The following SIGLEC7 variants were observed in gnomAD, a reference collection of about 807,000 sequenced individuals.
SIGLEC7 encodes sialic acid binding Ig like lectin 7, also known as sialic acid-binding Ig-like lectin 7.
A neutral mutation model predicts 40.8 loss-of-function variants in SIGLEC7; 33 were observed. The ratio of observed to expected loss-of-function variants is 0.81; its 90% CI spans 0.61 to 1.08. The LOEUF is 1.08. Among genes scored for constraint, SIGLEC7 ranks in the 50% least tolerant of loss-of-function variants. The pLI, the probability that SIGLEC7 is intolerant of heterozygous loss-of-function variation, is 0.00. For synonymous variants in SIGLEC7, 242 were observed against 237.6 expected (o/e 1.02, Z -0.17); for missense variants, 513 against 576.1 (o/e 0.89, Z 1.12).
At chr19:51,143,079 G>A (rs922556365) in intron 1 of SIGLEC7, among the ~76,000 whole-genome samples, 1 of 152,084 alleles carries the variant, frequency 6.6e-6, no homozygotes, top group Non-Finnish European at 1.5e-5. Flanking sequence ...CTTGTTTTGG[G>A]GCCTGTCCTA....
In SIGLEC7 at chr19:51,153,270, T is replaced by G. The variant is rs753995128; in HGVS notation, c.*25T>G. 1 of 1,518,982 alleles carries G rather than the reference T, an allele frequency of 6.6e-7. No individual in the cohort carries two copies. Among genetic ancestry groups the G allele is most frequent in the African/African-American group, 1.4e-5 (1 of 72,294 alleles). The allele number at this position is 1,518,982 out of a possible 1,614,324, so 94.1% of individuals were successfully genotyped here. ...AGAAAATGCAGAGGCTCGGGCTTGT[T>G]TGAGGGTTCACGACCCCTCCAGCAA... On this transcript the variant is annotated 3_prime_UTR_variant, in exon 7 of 7. Transcript: ENST00000317643.
chr19:51,150,954 A>T (rs2092139059), intron 6 of SIGLEC7, among the ~76,000 whole-genome samples: 1 of 152,200 alleles, frequency 6.6e-6, no homozygotes, highest in African/African-American at 2.4e-5. Flanking sequence ...ACATGATCAG[A>T]CGAGATTGGG....
chr19:51,146,690 G>A, intron 4 of SIGLEC7, 64 bp from the exon 5 acceptor site: 1 of 1,429,248 alleles, frequency 7.0e-7, no homozygotes, highest in Non-Finnish European at 9.8e-7. Flanking sequence ...CTTATAGGAA[G>A]TGGGAGGAGA....
rs746860486 is a variant in SIGLEC7, at chr19:51,153,232, AG to A, written c.1392del (p.Ile465SerfsTer13). Reference sequence around the variant, plus strand: ...ACCAACAATGAGTACTCAGAGATCAAGATCCCCAAGTAAGAAAATGCAGAGG... The same window carrying A: ...ACCAACAATGAGTACTCAGAGATCAAATCCCCAAGTAAGAAAATGCAGAGG... ...EATNNEYSEI[K>X]IPK On this transcript the variant is annotated frameshift_variant, in exon 7 of 7. Transcript: ENST00000317643. LOFTEE classifies it high-confidence loss of function. The A allele has an allele frequency of 5.7e-6, 9 of 1,572,692 alleles. No individual in the cohort carries two copies. In the African/African-American group the frequency reaches 9.5e-5, roughly 17 times the overall value.
At chr19:51,144,823 GC>G (rs1310227464) in intron 2 of SIGLEC7, 88 bp from the exon 3 acceptor site, 29 of 1,580,324 alleles carry the variant, frequency 1.8e-5, no homozygotes, top group Non-Finnish European at 2.4e-5. Context: ...CGCTGGCTCC[GC>G]CTTCCCCATT....
intron 4 of SIGLEC7, among the ~76,000 whole-genome samples, 171 bp downstream of exon 4, chr19:51,146,292 T>C (rs533710875): frequency 2.0e-5 from 3 of 152,022 alleles, no homozygotes; most frequent in Admixed American, 1.3e-4. Flanking sequence ...AGGAAAGGTG[T>C]GTAAGGCAGG....
chr19:51,147,216 C>T lies in SIGLEC7; in HGVS notation c.1125-5C>T. ...ACTGAAAGGCTCTCTGGTCTCTTCA[C>T]TCAGAGTGAGGTCCTGCAGGAAGAA... is the stretch of plus-strand genomic sequence containing the variant. On this transcript the variant is annotated splice_polypyrimidine_tract_variant and splice_region_variant and intron_variant, in intron 5 of 6. Coordinates refer to ENST00000317643, the MANE Select transcript of SIGLEC7 (RefSeq NM_014385.4). The T allele has an allele frequency of 6.2e-7, 1 of 1,612,186 alleles. No homozygotes were observed. The highest frequency in any genetic ancestry group is 8.5e-7 in the Non-Finnish European group (1 of 1,178,870).
rs778451574 is a variant in SIGLEC7, at chr19:51,144,393, C to T, written c.434-13C>T. ...TCCTCTGTCCTGATCCTGAGTCCCC[C>T]TCTCTTCACCAGCCTTGACCCACAG... On this transcript the variant is annotated splice_polypyrimidine_tract_variant and intron_variant, in intron 1 of 6. Coordinates refer to ENST00000317643, the MANE Select transcript of SIGLEC7 (RefSeq NM_014385.4). The T allele has an allele frequency of 1.7e-5, 27 of 1,597,334 alleles. No individual in the cohort carries two copies. Among genetic ancestry groups the T allele is most frequent in the African/African-American group, 2.7e-5 (2 of 74,728 alleles).
At position 51,153,439 on chromosome 19, in the gene SIGLEC7, C is replaced by T. The variant is rs201907401; in HGVS notation, c.*194C>T. The T allele has an allele frequency of 2.7e-5, 11 of 404,474 alleles. No homozygotes were observed. The South Asian group carries it at 3.5e-4, about 13-fold the overall frequency. The allele number at this position is 404,474 out of a possible 1,614,324, so 25.1% of individuals were successfully genotyped here. A position where few individuals can be genotyped will look rare whatever the true frequency, so the allele number is the denominator to read the frequency against. ...CCCCATCCAATCGGTCCACACTCCC[C>T]GCCCTGGCCTCTGGTACCCACCATT... is the stretch of plus-strand genomic sequence containing the variant. On this transcript the variant is annotated 3_prime_UTR_variant, in exon 7 of 7. Coordinates refer to ENST00000317643, the MANE Select transcript of SIGLEC7 (RefSeq NM_014385.4).
chr19:51,148,423 G>A (rs1431465545), intron 6 of SIGLEC7, among the ~76,000 whole-genome samples: 3 of 152,118 alleles, frequency 2.0e-5, no homozygotes, highest in Admixed American at 6.5e-5. Context: ...TCACTGATAA[G>A]TGAGAACATG....
intron 6 of SIGLEC7, among the ~76,000 whole-genome samples, chr19:51,151,686 G>T (rs1462119414): frequency 6.6e-6 from 1 of 152,096 alleles, no homozygotes; most frequent in African/African-American, 2.4e-5. Context: ...GTGTAGGGAA[G>T]GTGAGCAGCT....
At chr19:51,148,148 G>A (rs2092121943) in intron 6 of SIGLEC7, among the ~76,000 whole-genome samples, 1 of 152,150 alleles carries the variant, frequency 6.6e-6, no homozygotes, top group African/African-American at 2.4e-5. Context: ...CAAAATTTAA[G>A]AAGGTGCCAA....
intron 5 of SIGLEC7, 38 bp from the exon 6 acceptor site, chr19:51,147,183 C>A: frequency 6.2e-7 from 1 of 1,610,402 alleles, no homozygotes; most frequent in Non-Finnish European, 8.5e-7. Flanking sequence ...GCACCCCGAT[C>A]TGACCACACT....
chr19:51,146,747 T>C lies in SIGLEC7; in HGVS notation c.1028-7T>C. On this transcript the variant is annotated splice_region_variant and splice_polypyrimidine_tract_variant and intron_variant, in intron 4 of 6. Transcript: ENST00000317643. Reference sequence around the variant, plus strand: ...GGATCACCAAAACAATTCCAATCCATCCTCAGGCAAAATGAGGCCTGTATC... The same window carrying C: ...GGATCACCAAAACAATTCCAATCCACCCTCAGGCAAAATGAGGCCTGTATC... The C allele has an allele frequency of 6.2e-7, 1 of 1,612,698 alleles. No homozygotes were observed. Among genetic ancestry groups the C allele is most frequent in the African/African-American group, 1.3e-5 (1 of 74,954 alleles).
rs1277354650 is a variant in SIGLEC7, at chr19:51,142,451, C to T, written c.82C>T (p.Leu28=). 1 of 1,614,162 alleles carries T rather than the reference C, an allele frequency of 6.2e-7. No individual in the cohort carries two copies. The highest frequency in any genetic ancestry group is 1.1e-5 in the South Asian group (1 of 91,086). ...GAAGAGTAACCGGAAGGATTACTCG[C>T]TGACGATGCAGAGTTCCGTGACCGT... ...GQKSNRKDYS[L]TMQSSVTVQE... is the part of the protein sequence containing the mutation. The change falls in exon 1 of 7, where the codon CTG becomes TTG. Residue 28 remains leucine (L), a synonymous_variant. Coordinates refer to ENST00000317643, the MANE Select transcript of SIGLEC7 (RefSeq NM_014385.4). This position sits in a 1 kb window ranked among gnomAD's most constrained non-coding sequence, Gnocchi z 5.0.
chr19:51,144,404 A>G lies in SIGLEC7; in HGVS notation c.434-2A>G, dbSNP rs1162860827. 6.2e-7 allele frequency: 1 copy of G among 1,604,754 alleles called. No individual in the cohort carries two copies. The highest frequency in any genetic ancestry group is 8.5e-7 in the Non-Finnish European group (1 of 1,177,070). ...GATCCTGAGTCCCCCTCTCTTCACC[A>G]GCCTTGACCCACAGGCCCAACATCC... On this transcript the variant is annotated splice_acceptor_variant, in intron 1 of 6. Transcript: ENST00000317643. LOFTEE classifies it high-confidence loss of function.
intron 6 of SIGLEC7, among the ~76,000 whole-genome samples, chr19:51,152,178 C>T (rs2092148129): frequency 6.6e-6 from 1 of 152,162 alleles, no homozygotes; most frequent in African/African-American, 2.4e-5. Flanking sequence ...GAGGCACCTG[C>T]ATTCCTTGGC....
At position 51,142,442 on chromosome 19, in the gene SIGLEC7, G is replaced by T. The variant is rs374634341; in HGVS notation, c.73G>T (p.Asp25Tyr). 10 of 1,614,034 alleles carry T rather than the reference G, an allele frequency of 6.2e-6. No homozygotes were observed. The highest frequency in any genetic ancestry group is 8.5e-6 in the Non-Finnish European group (10 of 1,180,012). Reference sequence around the variant, plus strand: ...GGAAGGACAGAAGAGTAACCGGAAGGATTACTCGCTGACGATGCAGAGTTC... The same window carrying T: ...GGAAGGACAGAAGAGTAACCGGAAGTATTACTCGCTGACGATGCAGAGTTC... ...RVEGQKSNRK[D>Y]YSLTMQSSVT... is the part of the protein sequence containing the mutation. The change falls in exon 1 of 7, where the codon GAT (aspartate) becomes TAT (tyrosine). Residue 25 changes from aspartate to tyrosine, a missense_variant. Transcript: ENST00000317643. This position sits in a 1 kb window ranked among gnomAD's most constrained non-coding sequence, Gnocchi z 5.0.
At chr19:51,150,054 T>C (rs1159072436) in intron 6 of SIGLEC7, among the ~76,000 whole-genome samples, 1 of 152,186 alleles carries the variant, frequency 6.6e-6, no homozygotes, top group Non-Finnish European at 1.5e-5. Context: ...GGGCTGGGAC[T>C]ACGAGGTTTT....
Sources: allele counts gnomAD v4.1 joint callset (sites outside exome capture counted in the v4.1 genomes callset), GRCh38; gene constraint gnomAD v4.1.1; non-coding constraint Gnocchi (gnomAD v3.1); transcripts MANE v1.5; gene names NCBI Gene and HGNC (gene_info 2026-07-23, HGNC 2026-07-21).